GAP43: variants seen among roughly 807,000 people sequenced by gnomAD.
GAP43 encodes growth associated protein 43, also known as neuromodulin.
GAP43 carries 6 observed loss-of-function variants against 18.6 expected under a neutral mutation model. The observed-to-expected ratio is 0.32, with a 90% CI of 0.18 to 0.64. GAP43 has a LOEUF of 0.64. Among genes scored for constraint, GAP43 ranks in the 30% least tolerant of loss-of-function variants. The pLI, the probability that GAP43 is intolerant of heterozygous loss-of-function variation, is 0.78. For missense variants in GAP43, 292 were observed against 295.5 expected, an observed-to-expected ratio of 0.99 and a Z score of 0.09; for synonymous variants, 115 against 111.4, an observed-to-expected ratio of 1.03 and a Z score of -0.20.
chr3:115,687,752 C>A (rs1709053656), intron 2 of GAP43, among the ~76,000 whole-genome samples: 1 of 152,126 alleles, frequency 6.6e-6, no homozygotes, highest in African/African-American at 2.4e-5. Flanking sequence ...TTTGATTTCA[C>A]ATTTTAACTA....
intron 1 of GAP43, among the ~76,000 whole-genome samples, chr3:115,626,546 T>A (rs531027863): frequency 9.9e-5 from 15 of 152,276 alleles, no homozygotes; most frequent in Non-Finnish European, 1.9e-4. Context: ...TAATCCCTAA[T>A]ATTGTATTGC....
intron 1 of GAP43, among the ~76,000 whole-genome samples, chr3:115,651,028 A>C (rs1044091671): frequency 6.6e-6 from 1 of 152,132 alleles, no homozygotes; most frequent in African/African-American, 2.4e-5. Flanking sequence ...GCTACTTGGG[A>C]GGCTGAGGTG....
At chr3:115,638,891 T>C (rs1708361028) in intron 1 of GAP43, among the ~76,000 whole-genome samples, 1 of 152,126 alleles carries the variant, frequency 6.6e-6, no homozygotes, top group South Asian at 2.1e-4. Context: ...TACATACCTG[T>C]ATTACAACAT....
intron 2 of GAP43, among the ~76,000 whole-genome samples, chr3:115,695,596 A>G (rs1709176860): frequency 6.6e-6 from 1 of 152,198 alleles, no homozygotes; most frequent in Non-Finnish European, 1.5e-5. Context: ...CTGAGGTATC[A>G]CATTTGGGAA....
chr3:115,655,926 G>A (rs1464290773), intron 1 of GAP43, among the ~76,000 whole-genome samples: 1 of 152,178 alleles, frequency 6.6e-6, no homozygotes, highest in Non-Finnish European at 1.5e-5. Context: ...TTCAGGCCTG[G>A]GATGGAAGGA....
At chr3:115,651,079 CT>C (rs1353592939) in intron 1 of GAP43, among the ~76,000 whole-genome samples, 1 of 152,124 alleles carries the variant, frequency 6.6e-6, no homozygotes, top group African/African-American at 2.4e-5. Flanking sequence ...CCACAGTGAG[CT>C]GTGATTGTAC....
intron 2 of GAP43, among the ~76,000 whole-genome samples, chr3:115,698,286 T>TATATTATATATA (rs1709247512): frequency 1.4e-3 from 2 of 1,422 alleles, no homozygotes; most frequent in African/African-American, 2.3e-3. Flanking sequence ...TATATAAATA[T>TATATTATATATA]AATATATATA....
chr3:115,679,811 G>C (rs1708938165), intron 2 of GAP43, among the ~76,000 whole-genome samples: 1 of 152,184 alleles, frequency 6.6e-6, no homozygotes, highest in African/African-American at 2.4e-5. Flanking sequence ...GATATTGATT[G>C]GGTGGCTGCC....
chr3:115,696,589 C>CA (rs1709194496), intron 2 of GAP43, among the ~76,000 whole-genome samples: 2 of 131,492 alleles, frequency 1.5e-5, no homozygotes, highest in South Asian at 3.0e-4. Flanking sequence ...CCCCCCCCCC[C>CA]CACAAACAGG....
intron 1 of GAP43, chr3:115,663,789 C>A: frequency 6.4e-7 from 1 of 1,551,704 alleles, no homozygotes; most frequent in Non-Finnish European, 8.7e-7. Flanking sequence ...ATGACAAAGT[C>A]CTGCTCTGAA....
intron 2 of GAP43, among the ~76,000 whole-genome samples, chr3:115,688,003 T>TTA (rs1709055938): frequency 7.6e-6 from 1 of 130,990 alleles, no homozygotes; most frequent in African/African-American, 3.0e-5. Context: ...ACGAAATTTT[T>TTA]TTATTATTTA....
chr3:115,656,979 T>C (rs558173514), intron 1 of GAP43, among the ~76,000 whole-genome samples: 107 of 152,342 alleles, frequency 7.0e-4, no homozygotes, highest in African/African-American at 2.4e-3. Flanking sequence ...TACTTGCGTA[T>C]AATTTCCCTT....
chr3:115,670,453 C>G (rs551749836), intron 1 of GAP43, among the ~76,000 whole-genome samples: 6 of 152,198 alleles, frequency 3.9e-5, no homozygotes, highest in African/African-American at 1.4e-4. Flanking sequence ...GCACCGAAAC[C>G]GGCAGTGACA....
chr3:115,694,862 GT>G (rs1428280476), intron 2 of GAP43, among the ~76,000 whole-genome samples: 2 of 152,176 alleles, frequency 1.3e-5, no homozygotes, highest in African/African-American at 4.8e-5. Flanking sequence ...TCATGATTGG[GT>G]TTCCAATGGG....
intron 2 of GAP43, among the ~76,000 whole-genome samples, chr3:115,691,309 G>A (rs1482064614): frequency 6.6e-6 from 1 of 152,196 alleles, no homozygotes; most frequent in African/African-American, 2.4e-5. Flanking sequence ...TCTCTTGCTT[G>A]GAGGCCTGCA....
intron 1 of GAP43, among the ~76,000 whole-genome samples, chr3:115,641,170 A>C (rs1223801697): frequency 6.6e-6 from 1 of 151,046 alleles, no homozygotes; most frequent in Admixed American, 6.6e-5. Flanking sequence ...TGGCCCTGAA[A>C]TGTTTTTTCC....
chr3:115,644,233 T>C lies in GAP43; in HGVS notation c.30+20514T>C, dbSNP rs1439523053. Among the ~76,000 whole-genome samples the C allele has an allele frequency of 1.3e-5, 2 of 152,104 alleles. No individual in the cohort carries two copies. Among genetic ancestry groups the C allele is most frequent in the Non-Finnish European group, 2.9e-5 (2 of 68,004 alleles). On this transcript the variant is annotated intron_variant, in intron 1 of 2. Transcript: ENST00000305124. The surrounding 1 kb of genome is among the most constrained non-coding windows in gnomAD (Gnocchi z 4.2). The stretch of plus-strand genomic sequence containing the variant: ...TTTATACTCATTAAATTGTCAAGTG[T>C]AACTGTATTATTTATTTATTTATTG...
At chr3:115,650,623 CTCTACTCTAGA>C (rs1334003947) in intron 1 of GAP43, among the ~76,000 whole-genome samples, 1 of 152,044 alleles carries the variant, frequency 6.6e-6, no homozygotes, top group Non-Finnish European at 1.5e-5. Flanking sequence ...TTGCACTGAG[CTCTACTCTAGA>C]GACTCAGCAC....
intron 2 of GAP43, among the ~76,000 whole-genome samples, chr3:115,687,634 C>A (rs3772929): frequency 6.6e-6 from 1 of 151,968 alleles, no homozygotes; most frequent in South Asian, 2.1e-4. Context: ...CTGGGAATTG[C>A]GGTTGTTTTG....
Sources: gnomAD v4.1 joint callset for allele counts (sites outside exome capture counted in the v4.1 genomes callset) on GRCh38, gnomAD v4.1.1 for gene constraint, Gnocchi (gnomAD v3.1) non-coding constraint, MANE v1.5 for transcripts, NCBI Gene and HGNC (gene_info 2026-07-23, HGNC 2026-07-21) for gene names.